KLHL7: variants seen among roughly 807,000 people sequenced by gnomAD.
KLHL7 encodes the protein kelch like family member 7.
A neutral mutation model predicts 67.4 loss-of-function variants in KLHL7; 44 were observed. The observed-to-expected ratio is 0.65, with a 90% CI of 0.51 to 0.84. The LOEUF (loss-of-function observed/expected upper bound fraction) is 0.84. Ranked by LOEUF, KLHL7 falls within the 40% of genes least tolerant of loss-of-function variation. KLHL7 has a pLI of 0.00. For synonymous variants in KLHL7, 252 were observed against 243.3 expected (o/e 1.04, Z -0.33); for missense variants, 362 against 718.1 (o/e 0.50, Z 5.67).
chr7:23,109,222 T>G (rs1782766158), intron 1 of KLHL7, among the ~76,000 whole-genome samples: 1 of 152,254 alleles, frequency 6.6e-6, no homozygotes, highest in Admixed American at 6.5e-5. Context: ...TCTTATCACT[T>G]TAGCCATTCT....
intron 4 of KLHL7, 183 bp from the exon 5 acceptor site, chr7:23,140,586 A>AT (rs1784146721): frequency 5.9e-6 from 4 of 683,594 alleles, no homozygotes. Flanking sequence ...AACAAAAAAA[A>AT]AACCAGTCTT....
At chr7:23,110,336 T>C (rs1322466985) in intron 1 of KLHL7, among the ~76,000 whole-genome samples, 1 of 152,208 alleles carries the variant, frequency 6.6e-6, no homozygotes, top group Non-Finnish European at 1.5e-5. Flanking sequence ...TGCTGCTTTT[T>C]CTAAGGCCAG....
intron 4 of KLHL7, among the ~76,000 whole-genome samples, chr7:23,134,293 A>G (rs1326181543): frequency 1.3e-5 from 2 of 152,192 alleles, no homozygotes; most frequent in African/African-American, 4.8e-5. Flanking sequence ...CATTCCAGAG[A>G]TAAATCCCAC....
Position 23,175,985 on chromosome 7 carries a change from A to C in KLHL7, c.*1687A>C. The C allele has an allele frequency of 6.8e-6, 1 of 147,106 alleles. No homozygotes were observed. Among genetic ancestry groups the C allele is most frequent in the South Asian group, 2.1e-4 (1 of 4,684 alleles). 9.1% of individuals were successfully genotyped at this position (147,106 alleles called of 1,614,324 possible). ...AAAAAAAAAAAAAAAAAAATGTATTATTCAGTGGTTTTTAATATATCCACA... is the reference window on the plus strand; with the variant it reads ...AAAAAAAAAAAAAAAAAAATGTATTCTTCAGTGGTTTTTAATATATCCACA... On this transcript the variant is annotated 3_prime_UTR_variant, in exon 11 of 11. Transcript: ENST00000339077.
chr7:23,152,771 T>G (rs1189384444), intron 7 of KLHL7, among the ~76,000 whole-genome samples: 1 of 152,192 alleles, frequency 6.6e-6, no homozygotes, highest in African/African-American at 2.4e-5. Flanking sequence ...AAAAAATTTT[T>G]AATAGATCAT....
At chr7:23,149,494 G>C (rs758400235) in intron 6 of KLHL7, among the ~76,000 whole-genome samples, 2 of 152,292 alleles carry the variant, frequency 1.3e-5, no homozygotes, top group South Asian at 4.1e-4. Context: ...CTTTCAGCCT[G>C]TGTGGAACCA....
intron 7 of KLHL7, among the ~76,000 whole-genome samples, chr7:23,163,651 T>C (rs1052103813): frequency 1.3e-5 from 2 of 152,106 alleles, no homozygotes; most frequent in African/African-American, 4.8e-5. Flanking sequence ...AGAAAAAAAG[T>C]ATAGCATGGC....
At chr7:23,111,029 G>T (rs1002229429) in intron 1 of KLHL7, among the ~76,000 whole-genome samples, 11 of 152,028 alleles carry the variant, frequency 7.2e-5, no homozygotes, top group African/African-American at 2.7e-4. Flanking sequence ...CAATCCTCTT[G>T]TGGTTTATAG....
rs2128470630 is a variant in KLHL7 at position 23,174,264 on chromosome 7, C to T, written c.1727C>T (p.Thr576Ile). The T allele has an allele frequency of 6.2e-7, 1 of 1,614,138 alleles. No homozygotes were observed. Among genetic ancestry groups the T allele is most frequent in the Non-Finnish European group, 8.5e-7 (1 of 1,180,004 alleles). The change falls in exon 11 of 11, where the codon ACT (threonine) becomes ATT (isoleucine). Residue 576 changes from threonine to isoleucine, a missense_variant. Physicochemically the swap from Thr to Ile is moderately conservative, Grantham distance 89. Transcript: ENST00000339077. ...VTSCLICVVD[T>I]CGANEETLET Reference sequence around the variant, plus strand: ...AGTTGTTTAATTTGTGTTGTCGATACTTGTGGAGCAAATGAAGAGACCCTT... The same window carrying T: ...AGTTGTTTAATTTGTGTTGTCGATATTTGTGGAGCAAATGAAGAGACCCTT...
intron 4 of KLHL7, chr7:23,125,889 G>C (rs771129319): frequency 1.9e-6 from 3 of 1,540,916 alleles, no homozygotes; most frequent in South Asian, 2.4e-5. Context: ...TGCAGGATAC[G>C]TTCCAAGACC....
At chr7:23,106,731 G>GA in intron 1 of KLHL7, 1 of 992,434 alleles carries the variant, frequency 1.0e-6, no homozygotes, top group Non-Finnish European at 1.2e-6. Context: ...TTATTAAGAG[G>GA]AGCTCTTTGT....
At position 23,168,218 on chromosome 7, in the gene KLHL7, G is replaced by C. The variant is rs1355105482; in HGVS notation, c.1379+181G>C. The C allele has an allele frequency of 4.7e-5, 29 of 613,896 alleles. No homozygotes were observed. The Admixed American group carries it at 8.0e-4, about 17-fold the overall frequency. The allele number at this position is 613,896 out of a possible 1,614,324, so 38.0% of individuals were successfully genotyped here. A position where few individuals can be genotyped will look rare whatever the true frequency, so the allele number is the denominator to read the frequency against. Reference sequence around the variant, plus strand: ...TGACCTGGACCTTTCCCTTACACCAGAAATGGCTTGAACTTACACCCCATG... The same window carrying C: ...TGACCTGGACCTTTCCCTTACACCACAAATGGCTTGAACTTACACCCCATG... On this transcript the variant is annotated intron_variant, in intron 9 of 10. Transcript: ENST00000339077.
intron 5 of KLHL7, 97 bp from the exon 6 acceptor site, chr7:23,143,754 C>A: frequency 8.0e-7 from 1 of 1,255,826 alleles, no homozygotes; most frequent in Non-Finnish European, 1.2e-6. Flanking sequence ...TGGTTATCTC[C>A]TTATGAGGTT....
At chr7:23,126,446 A>G (rs1783576672) in intron 4 of KLHL7, among the ~76,000 whole-genome samples, 1 of 152,184 alleles carries the variant, frequency 6.6e-6, no homozygotes, top group Non-Finnish European at 1.5e-5. Context: ...TAGGAGTGCT[A>G]GGAAAGCAGG....
chr7:23,124,937 T>A (rs1335504424), intron 3 of KLHL7, 111 bp from the exon 4 acceptor site: 2 of 1,189,444 alleles, frequency 1.7e-6, no homozygotes, highest in Non-Finnish European at 2.5e-6. Flanking sequence ...ATTCAAGGAC[T>A]GAAAGTTTAA....
At chr7:23,137,582 G>T (rs538538655) in intron 4 of KLHL7, among the ~76,000 whole-genome samples, 1 of 150,806 alleles carries the variant, frequency 6.6e-6, no homozygotes, top group Admixed American at 6.6e-5. Flanking sequence ...AGGCTCAAGT[G>T]GTCCTCTTGC....
chr7:23,176,390 A>C lies in KLHL7; in HGVS notation c.*2092A>C, dbSNP rs1397719673. The C allele has an allele frequency of 1.3e-5, 2 of 152,126 alleles. No individual in the cohort carries two copies. The highest frequency in any genetic ancestry group is 2.4e-5 in the African/African-American group (1 of 41,392). 9.4% of individuals were successfully genotyped at this position (152,126 alleles called of 1,614,324 possible). A position where few individuals can be genotyped will look rare whatever the true frequency, so the allele number is the denominator to read the frequency against. On this transcript the variant is annotated 3_prime_UTR_variant, in exon 11 of 11. Transcript: ENST00000339077. ...TCCCTGTGTGTCTCTGTATCTTCAC[A>C]TGGTGTTCTTATAAGGACAACATAG...
intron 8 of KLHL7, among the ~76,000 whole-genome samples, chr7:23,166,875 A>C (rs932753235): frequency 6.6e-6 from 1 of 152,070 alleles, no homozygotes; most frequent in Non-Finnish European, 1.5e-5. Context: ...TTTTTAATCT[A>C]CTATATACTA....
chr7:23,121,680 C>CT (rs72158823), intron 1 of KLHL7, among the ~76,000 whole-genome samples: 67,502 of 134,096 alleles, frequency 0.5, 17,380 homozygotes, highest in Middle Eastern at 0.59. Flanking sequence ...CAGTCCCATC[C>CT]TTTTTTTTTT....
Sources: gnomAD v4.1 joint callset for allele counts (sites outside exome capture counted in the v4.1 genomes callset) on GRCh38, gnomAD v4.1.1 for gene constraint, MANE v1.5 for transcripts, NCBI Gene and HGNC (gene_info 2026-07-23, HGNC 2026-07-21) for gene names.